COL4A2: variants seen among roughly 807,000 people sequenced by gnomAD.
The protein encoded by COL4A2 is collagen alpha-2(IV) chain.
Under a neutral mutation model 200.2 loss-of-function variants are expected in COL4A2, and 99 were observed. The observed-to-expected ratio is 0.49, with a 90% CI of 0.42 to 0.58. The LOEUF is 0.58. Ranked by LOEUF, COL4A2 falls within the 20% of genes least tolerant of loss-of-function variation. The pLI, the probability that COL4A2 is intolerant of heterozygous loss-of-function variation, is 0.00. For synonymous variants in COL4A2, 897 were observed against 900.6 expected, an observed-to-expected ratio of 1.00 and a Z score of 0.07; for missense variants, 1,950 against 2,314.1, an observed-to-expected ratio of 0.84 and a Z score of 3.23.
At chr13:110,412,073 G>A (rs1879865183) in intron 4 of COL4A2, among the ~76,000 whole-genome samples, 1 of 152,190 alleles carries the variant, frequency 6.6e-6, no homozygotes, top group South Asian at 2.1e-4. Context: ...ACTCTCTTGT[G>A]GACCCTCTGC....
At chr13:110,445,192 A>G (rs1346286318) in intron 16 of COL4A2, among the ~76,000 whole-genome samples, 1 of 152,012 alleles carries the variant, frequency 6.6e-6, no homozygotes, top group Non-Finnish European at 1.5e-5. Context: ...AACTTAAGAA[A>G]CCTTAATGCG....
intron 34 of COL4A2, among the ~76,000 whole-genome samples, chr13:110,486,602 C>T (rs903763740): frequency 2.6e-5 from 4 of 152,134 alleles, no homozygotes; most frequent in African/African-American, 9.7e-5. Context: ...GTGTTTCAGT[C>T]GCGTCCGTGT....
chr13:110,436,377 A>G lies in COL4A2; in HGVS notation c.825+10A>G. 1 of 1,609,658 alleles carries G rather than the reference A, an allele frequency of 6.2e-7. No homozygotes were observed. Among genetic ancestry groups the G allele is most frequent in the Non-Finnish European group, 8.5e-7 (1 of 1,177,562 alleles). ...CCCAGATCAGTACAAGGTAAAGAGC[A>G]AAATTGACTCTTTTCATAGTTGAAA... On this transcript the variant is annotated intron_variant, in intron 13 of 47. Transcript: ENST00000360467.
intron 4 of COL4A2, among the ~76,000 whole-genome samples, chr13:110,381,459 A>G (rs767355270): frequency 2.0e-5 from 3 of 152,248 alleles, no homozygotes; most frequent in Non-Finnish European, 2.9e-5. Context: ...TTGGGAAATA[A>G]CAGTTATTAA....
chr13:110,473,010 G>C lies in COL4A2; in HGVS notation c.2285G>C (p.Gly762Ala), dbSNP rs1882538642. The C allele has an allele frequency of 1.3e-6, 2 of 1,523,196 alleles. No homozygotes were observed. Among genetic ancestry groups the C allele is most frequent in the Non-Finnish European group, 1.8e-6 (2 of 1,136,192 alleles). 94.4% of individuals were successfully genotyped at this position (1,523,196 alleles called of 1,614,324 possible). A position where few individuals can be genotyped will look rare whatever the true frequency, so the allele number is the denominator to read the frequency against. ...TCCCCAGGTCCCATCGGCCTGCCAG[G>C]GCCAGATGGGCCCCCTGGGGAAAGG... is the stretch of plus-strand genomic sequence containing the variant. ...DGSPGPIGLP[G>A]PDGPPGERGL... The change falls in exon 29 of 48, where the codon GGG becomes GCG. Residue 762 changes from glycine to alanine, a missense_variant. This residue lies in a region of COL4A2 where 1,385 missense variants were observed against 1,720.5 expected (regional missense o/e 0.80). Transcript: ENST00000360467.
intron 3 of COL4A2, among the ~76,000 whole-genome samples, chr13:110,333,416 G>T (rs1876019783): frequency 6.6e-6 from 1 of 152,210 alleles, no homozygotes; most frequent in African/African-American, 2.4e-5. Context: ...TGAGCTGTTT[G>T]CTGTGACATT....
chr13:110,488,224 C>T (rs531732918), intron 34 of COL4A2, among the ~76,000 whole-genome samples: 50 of 152,296 alleles, frequency 3.3e-4, no homozygotes, highest in African/African-American at 1.2e-3. Flanking sequence ...AGGGTTTCAC[C>T]ATGTTGGCCA....
intron 3 of COL4A2, among the ~76,000 whole-genome samples, chr13:110,348,914 A>C (rs976482676): frequency 6.6e-6 from 1 of 152,212 alleles, no homozygotes; most frequent in Non-Finnish European, 1.5e-5. Flanking sequence ...TGGAACATGT[A>C]GAGGACAAAA....
chr13:110,424,068 C>T (rs1324776426), intron 4 of COL4A2, among the ~76,000 whole-genome samples: 1 of 152,024 alleles, frequency 6.6e-6, no homozygotes, highest in Admixed American at 6.5e-5. Context: ...CGTGGGATCC[C>T]GTAGTGATTC....
chr13:110,417,245 C>T (rs1328292121), intron 4 of COL4A2, among the ~76,000 whole-genome samples: 1 of 152,066 alleles, frequency 6.6e-6, no homozygotes, highest in Non-Finnish European at 1.5e-5. Context: ...ATGAGCCATC[C>T]CGCCCAGCCC....
chr13:110,512,471 C>T lies in COL4A2; in HGVS notation c.*280C>T, dbSNP rs118089787. On this transcript the variant is annotated 3_prime_UTR_variant, in exon 48 of 48. Transcript: ENST00000360467. Reference sequence around the variant, plus strand: ...CGCCTGAAGGCACAGCTAACCACTTCGCACACACCCATGTAACCACTGCAC... The same window carrying T: ...CGCCTGAAGGCACAGCTAACCACTTTGCACACACCCATGTAACCACTGCAC... 1 of 510,372 alleles carries T rather than the reference C, an allele frequency of 2.0e-6. No individual in the cohort carries two copies. Among genetic ancestry groups the T allele is most frequent in the Admixed American group, 3.6e-5 (1 of 27,680 alleles). 31.6% of individuals were successfully genotyped at this position (510,372 alleles called of 1,614,324 possible).
At chr13:110,371,484 T>C (rs1878005176) in intron 4 of COL4A2, among the ~76,000 whole-genome samples, 1 of 152,234 alleles carries the variant, frequency 6.6e-6, no homozygotes, top group Non-Finnish European at 1.5e-5. Flanking sequence ...CCTCCAGTGC[T>C]CAACATAGGA....
At chr13:110,383,331 A>G (rs982220874) in intron 4 of COL4A2, among the ~76,000 whole-genome samples, 4 of 152,362 alleles carry the variant, frequency 2.6e-5, no homozygotes, top group South Asian at 4.1e-4. Context: ...GGAAAAAACA[A>G]TTGTATCTGA....
At chr13:110,428,365 C>T (rs953231182) in intron 6 of COL4A2, 102 bp from the exon 7 acceptor site, 5 of 706,900 alleles carry the variant, frequency 7.1e-6, no homozygotes, top group African/African-American at 3.8e-5. Flanking sequence ...GGATTCATGC[C>T]GGGAACATGG....
At chr13:110,308,044 C>T (rs1394133197) in intron 2 of COL4A2, 25 bp from the exon 3 acceptor site, 1 of 1,613,382 alleles carries the variant, frequency 6.2e-7, no homozygotes, top group Non-Finnish European at 8.5e-7. Flanking sequence ...ACGTTCACGT[C>T]TCTCTTCCTC....
At chr13:110,323,991 T>C (rs1885342701) in intron 3 of COL4A2, among the ~76,000 whole-genome samples, 1 of 152,216 alleles carries the variant, frequency 6.6e-6, no homozygotes, top group African/African-American at 2.4e-5. Flanking sequence ...TTGATTTGAA[T>C]TACAGTCGAA....
At chr13:110,390,407 T>C (rs1878942887) in intron 4 of COL4A2, among the ~76,000 whole-genome samples, 1 of 152,224 alleles carries the variant, frequency 6.6e-6, no homozygotes, top group Non-Finnish European at 1.5e-5. Flanking sequence ...ACCTTTGCAG[T>C]TGGAGCCAGA....
intron 4 of COL4A2, among the ~76,000 whole-genome samples, chr13:110,414,474 A>G (rs1879965590): frequency 1.3e-5 from 2 of 152,196 alleles, no homozygotes; most frequent in Non-Finnish European, 2.9e-5. Flanking sequence ...TGGGACAGGG[A>G]CCACTTCAGA....
intron 6 of COL4A2, 136 bp downstream of exon 6, chr13:110,425,133 T>C: frequency 1.0e-6 from 1 of 975,518 alleles, no homozygotes; most frequent in East Asian, 2.6e-5. Flanking sequence ...TATACGTGCG[T>C]ATTCTCCCCG....
Sources: allele counts gnomAD v4.1 joint callset (sites outside exome capture counted in the v4.1 genomes callset), GRCh38; gene constraint gnomAD v4.1.1; regional missense constraint gnomAD v4.1.1; transcripts MANE v1.5; gene names NCBI Gene and HGNC (gene_info 2026-07-23, HGNC 2026-07-21).